The following ABCC12 variants were observed in gnomAD, a reference collection of about 807,000 sequenced individuals.
ABCC12 encodes the protein ATP-binding cassette sub-family C member 12.
In ABCC12, 142 loss-of-function variants were observed where a neutral mutation model predicts 151.1. The observed-to-expected ratio is 0.94, with a 90% CI of 0.82 to 1.08. The LOEUF (loss-of-function observed/expected upper bound fraction) is 1.08, where lower values mean the gene tolerates loss of function less well. ABCC12 is among the 50% of genes least tolerant of loss of function. The probability of loss-of-function intolerance (pLI) is 0.00; values close to 1 mark genes in which losing one functional copy is unlikely to be tolerated. For synonymous variants in ABCC12, 645 were observed against 646.4 expected, an observed-to-expected ratio of 1.00 and a Z score of 0.03; for missense variants, 1,638 against 1,691.1, an observed-to-expected ratio of 0.97 and a Z score of 0.55.
intron 29 of ABCC12, 30 bp downstream of exon 29, chr16:48,085,563 T>G: frequency 6.2e-7 from 1 of 1,601,110 alleles, no homozygotes; most frequent in Non-Finnish European, 8.6e-7. Flanking sequence ...TATCCAAAAT[T>G]TGACCAATCC....
In ABCC12 at chr16:48,105,355, G is replaced by C. The variant is rs1963457004; in HGVS notation, c.2476-19C>G. 6.3e-7 allele frequency: 1 copy of C among 1,581,526 alleles called. No individual in the cohort carries two copies. The highest frequency in any genetic ancestry group is 2.3e-5 in the East Asian group (1 of 43,416). On this transcript the variant is annotated intron_variant, in intron 20 of 30. Transcript: ENST00000311303. Reference sequence around the variant, plus strand: ...AGGTCATCTTTGGAGAAAAACAAGAGAAGCACCAAGAATTGATAAATTCCT... The same window carrying C: ...AGGTCATCTTTGGAGAAAAACAAGACAAGCACCAAGAATTGATAAATTCCT...
rs556721677 is a variant in ABCC12, at chr16:48,100,672, C to T, written c.3038+200G>A. 5.9e-5 allele frequency among the ~76,000 whole-genome samples: 9 copies of T among 152,242 alleles called. No individual in the cohort carries two copies. The South Asian group carries it at 1.5e-3, about 25-fold the overall frequency. On this transcript the variant is annotated intron_variant, in intron 23 of 30. Transcript: ENST00000311303. ...ATGAGGTTGTCATTGAACAAGCTCC[C>T]CTCATTCACATCTTCTGGGGCCCAA...
intron 6 of ABCC12, 21 bp from the exon 7 acceptor site, chr16:48,139,357 G>T: frequency 6.3e-7 from 1 of 1,583,924 alleles, no homozygotes; most frequent in Non-Finnish European, 8.6e-7. Context: ...AAGCGCAAAG[G>T]TTCAGGCTTT....
intron 15 of ABCC12, among the ~76,000 whole-genome samples, chr16:48,112,906 A>C (rs1339195231): frequency 6.6e-6 from 1 of 152,112 alleles, no homozygotes; most frequent in Non-Finnish European, 1.5e-5. Context: ...GTTTTTTTTA[A>C]TTTGAATTCC....
chr16:48,152,732 G>A (rs550996620), intron 2 of ABCC12, among the ~76,000 whole-genome samples: 1 of 152,336 alleles, frequency 6.6e-6, no homozygotes, highest in East Asian at 1.9e-4. Flanking sequence ...CCCGCATGCA[G>A]TATTCCTGCA....
At chr16:48,112,680 G>C (rs1963738676) in intron 15 of ABCC12, among the ~76,000 whole-genome samples, 1 of 152,166 alleles carries the variant, frequency 6.6e-6, no homozygotes, top group Non-Finnish European at 1.5e-5. Context: ...ACTTGGTAGG[G>C]AGGGGAAATA....
In ABCC12 at chr16:48,088,686, TG is replaced by T; in HGVS notation, c.3333del (p.Lys1112ArgfsTer16). ...ATCTCCCCACGGCTGGGCCAGTCCTTGGGACAGGTCCCCACTTTGAGGGGAT... is the reference window on the plus strand; with the variant it reads ...ATCTCCCCACGGCTGGGCCAGTCCTTGGACAGGTCCCCACTTTGAGGGGAT... ...CTHPLKVGTC[P>X]KDWPSRGEIT... On this transcript the variant is annotated frameshift_variant, in exon 26 of 31. Transcript: ENST00000311303. LOFTEE classifies it high-confidence loss of function. The T allele has an allele frequency of 6.2e-7, 1 of 1,614,166 alleles. No homozygotes were observed. Among genetic ancestry groups the T allele is most frequent in the Non-Finnish European group, 8.5e-7 (1 of 1,179,988 alleles).
intron 11 of ABCC12, among the ~76,000 whole-genome samples, chr16:48,127,023 GT>G (rs1461798641): frequency 2.0e-5 from 3 of 152,160 alleles, no homozygotes; most frequent in Non-Finnish European, 4.4e-5. Context: ...AGAAGGCAAA[GT>G]AGGTGGCACT....
In ABCC12 at chr16:48,105,210, T is replaced by A. The variant is rs748309315; in HGVS notation, c.2602A>T (p.Thr868Ser). The A allele has an allele frequency of 1.2e-6, 2 of 1,614,158 alleles. No homozygotes were observed. The highest frequency in any genetic ancestry group is 1.7e-6 in the Non-Finnish European group (2 of 1,180,022). ...SMVFMLVFGV[T>S]KGFVFTKTTL... ...GTCTTGGTGAAGACGAAGCCTTTGG[T>A]GACGCCAAACACCAGCATGAACACC... The change falls in exon 21 of 31, where the codon ACC (threonine) becomes TCC (serine). Residue 868 changes from threonine to serine, a missense_variant. Coordinates refer to ENST00000311303, the MANE Select transcript of ABCC12 (RefSeq NM_001393797.1).
Position 48,084,058 on chromosome 16 carries a change from C to T in ABCC12, c.3844G>A (p.Glu1282Lys). 3.1e-6 allele frequency: 5 copies of T among 1,609,460 alleles called. No individual in the cohort carries two copies. The highest frequency in any genetic ancestry group is 4.2e-6 in the Non-Finnish European group (5 of 1,178,936). ...LRNSKIILLD[E>K]ATASMDSKTD... Reference sequence around the variant, plus strand: ...TTGGAGTCCATAGAGGCGGTGGCTTCATCAAGGAGAATGATCTGTGGAGGA... The same window carrying T: ...TTGGAGTCCATAGAGGCGGTGGCTTTATCAAGGAGAATGATCTGTGGAGGA... Residue 1282 changes from glutamate to lysine, a missense_variant, in exon 30 of 31, where the codon GAA (glutamate) becomes AAA (lysine). Physicochemically the swap from Glu to Lys is moderately conservative, Grantham distance 56. Transcript: ENST00000311303.
rs887447579 is a variant in ABCC12 at position 48,144,052 on chromosome 16, G to C, written c.133C>G (p.Pro45Ala). 1.2e-6 allele frequency: 2 copies of C among 1,613,794 alleles called. No homozygotes were observed. ...VRPCARLAPNPVDDAGLLSFA... is the reference protein window; with the variant it reads ...VRPCARLAPNAVDDAGLLSFA... ...GAGAGTAGCCCGGCATCATCCACCG[G>C]GTTGGGTGCTAACCTGCAGACAAAC... Residue 45 changes from proline to alanine, a missense_variant, in exon 4 of 31, where the codon CCG (proline) becomes GCG (alanine). By Grantham distance (27) the Pro-to-Ala change is conservative. Coordinates refer to ENST00000311303, the MANE Select transcript of ABCC12 (RefSeq NM_001393797.1).
rs1409901439 is a variant in ABCC12, at chr16:48,106,900, C to T, written c.2475+422G>A. On this transcript the variant is annotated intron_variant, in intron 20 of 30. Coordinates refer to ENST00000311303, the MANE Select transcript of ABCC12 (RefSeq NM_001393797.1). The stretch of plus-strand genomic sequence containing the variant: ...GCCCATCCTGTTCATGCAGAGACAA[C>T]TTTGGGGAGCAGAGACACGTGGGAC... Among the ~76,000 whole-genome samples the T allele has an allele frequency of 2.0e-5, 3 of 152,326 alleles. No individual in the cohort carries two copies. In the East Asian group the frequency reaches 5.8e-4, roughly 29 times the overall value.
At chr16:48,104,640 C>T (rs925902264) in intron 21 of ABCC12, among the ~76,000 whole-genome samples, 11 of 152,194 alleles carry the variant, frequency 7.2e-5, no homozygotes, top group South Asian at 4.1e-4. Flanking sequence ...CAGCCTGAGA[C>T]GGGAGAGGCT....
intron 18 of ABCC12, among the ~76,000 whole-genome samples, chr16:48,109,512 CA>C (rs969847152): frequency 6.6e-6 from 1 of 152,194 alleles, no homozygotes; most frequent in African/African-American, 2.4e-5. Flanking sequence ...CTTTTATAAA[CA>C]GAGATAAATA....
chr16:48,148,382 G>A (rs369659916), intron 2 of ABCC12, among the ~76,000 whole-genome samples: 65 of 151,832 alleles, frequency 4.3e-4, no homozygotes, highest in Non-Finnish European at 7.2e-4. Context: ...GACTACAGGC[G>A]TGCACCACCA....
chr16:48,124,112 G>C, intron 12 of ABCC12, 101 bp downstream of exon 12: 1 of 1,264,228 alleles, frequency 7.9e-7, no homozygotes, highest in East Asian at 2.3e-5. Context: ...ACAGTGTCCA[G>C]TGCAGCCGAG....
chr16:48,105,087 T>C, intron 21 of ABCC12, 52 bp downstream of exon 21: 1 of 1,606,614 alleles, frequency 6.2e-7, no homozygotes, highest in African/African-American at 1.3e-5. Context: ...AGGTGCTCCG[T>C]ATACCTTGTT....
chr16:48,081,065 C>A lies in ABCC12; in HGVS notation c.*2650G>T, dbSNP rs1216062953. ...AAGTCTCTTTTATAAGAGAGCCAAT[C>A]CTATTCATGAGGTCTCCACCCTCAT... On this transcript the variant is annotated 3_prime_UTR_variant, in exon 31 of 31. Coordinates refer to ENST00000311303, the MANE Select transcript of ABCC12 (RefSeq NM_001393797.1). 1.3e-5 allele frequency among the ~76,000 whole-genome samples: 2 copies of A among 152,100 alleles called. No homozygotes were observed. The highest frequency in any genetic ancestry group is 3.9e-4 in the East Asian group (2 of 5,170).
intron 6 of ABCC12, among the ~76,000 whole-genome samples, chr16:48,140,123 G>A (rs1202300426): frequency 6.6e-6 from 1 of 152,142 alleles, no homozygotes; most frequent in Non-Finnish European, 1.5e-5. Context: ...CAACTAGTAA[G>A]AAAGAAGCAA....
Sources: allele counts gnomAD v4.1 joint callset (sites outside exome capture counted in the v4.1 genomes callset), GRCh38; gene constraint gnomAD v4.1.1; transcripts MANE v1.5; gene names NCBI Gene and HGNC (gene_info 2026-07-23, HGNC 2026-07-21).